Variants in PLIN2 observed in about 807,000 individuals in gnomAD.
PLIN2 encodes the protein perilipin 2.
Under a neutral mutation model 30.6 loss-of-function variants are expected in PLIN2, and 33 were observed. The ratio of observed to expected loss-of-function variants is 1.08; its 90% CI spans 0.82 to 1.44. The LOEUF (loss-of-function observed/expected upper bound fraction) is 1.44. PLIN2 is among the 40% of genes most tolerant of loss of function. The probability of loss-of-function intolerance (pLI) is 0.00; values close to 1 mark genes in which losing one functional copy is unlikely to be tolerated. For synonymous variants in PLIN2, 205 were observed against 201.1 expected (o/e 1.02, Z -0.16); for missense variants, 610 against 531.8 (o/e 1.15, Z -1.45).
downstream of PLIN2, among the ~76,000 whole-genome samples, chr9:19,111,311 G>A (rs1818156548): frequency 2.0e-5 from 3 of 152,154 alleles, no homozygotes. Context: ...GCCTCCCAAA[G>A]TGCTAGGATT....
rs1236819176 is a variant in PLIN2 at position 19,119,736 on chromosome 9, CA to C, written c.690del (p.Ala231ProfsTer29). Reference protein sequence around the residue: ...LGSLSTKLHSRAYQQALSRVK... With the variant: ...LGSLSTKLHSXAYQQALSRVK... ...ACCCTGCTGAGAGCCTGCTGGTAGG[CA>C]CGGGAGTGAAGCTTGGTAGACAGGG... is the stretch of plus-strand genomic sequence containing the variant. On this transcript the variant is annotated frameshift_variant, in exon 6 of 8. Coordinates refer to ENST00000276914, the MANE Select transcript of PLIN2 (RefSeq NM_001122.4). LOFTEE classifies it high-confidence loss of function. The C allele has an allele frequency of 6.2e-7, 1 of 1,612,554 alleles. No homozygotes were observed. The highest frequency in any genetic ancestry group is 1.1e-5 in the South Asian group (1 of 90,992).
At chr9:19,123,728 T>C (rs1480736899) in intron 3 of PLIN2, 81 bp from the exon 4 acceptor site, 16 of 1,263,638 alleles carry the variant, frequency 1.3e-5, no homozygotes, top group African/African-American at 3.0e-5. Context: ...TTATAAAAAA[T>C]GGCAATAATG....
At chr9:19,116,988 G>A (rs1818238467) in intron 7 of PLIN2, among the ~76,000 whole-genome samples, 1 of 152,098 alleles carries the variant, frequency 6.6e-6, no homozygotes, top group African/African-American at 2.4e-5. Context: ...GTAGTGTAAT[G>A]TATATATTCC....
At chr9:19,111,442 A>T (rs929877519), downstream of PLIN2, among the ~76,000 whole-genome samples, 1 of 152,084 alleles carries the variant, frequency 6.6e-6, no homozygotes, top group Admixed American at 6.6e-5. Context: ...ACCAATTAAG[A>T]GTATAATTTT....
Position 19,116,282 on chromosome 9 carries a change from T to C in PLIN2, c.1280A>G (p.Gln427Arg). The change falls in exon 8 of 8, where the codon CAG (glutamine) becomes CGG (arginine). Residue 427 changes from glutamine (Q) to arginine (R), a missense_variant. Coordinates refer to ENST00000276914, the MANE Select transcript of PLIN2 (RefSeq NM_001122.4). ...DQGAEMDKSSQETQRSEHKTH is the reference protein window; with the variant it reads ...DQGAEMDKSSRETQRSEHKTH Reference sequence around the variant, plus strand: ...TTTATGCTCAGATCGCTGGGTCTCCTGGCTGCTCTTGTCCATCTCTGCACC... The same window carrying C: ...TTTATGCTCAGATCGCTGGGTCTCCCGGCTGCTCTTGTCCATCTCTGCACC... The C allele has an allele frequency of 6.2e-7, 1 of 1,607,670 alleles. No individual in the cohort carries two copies.
At chr9:19,113,883 T>C (rs906838258), downstream of PLIN2, among the ~76,000 whole-genome samples, 1 of 151,392 alleles carries the variant, frequency 6.6e-6, no homozygotes, top group African/African-American at 2.4e-5. Context: ...CAAACGATTC[T>C]CCTGCCTCAG....
At chr9:19,116,728 G>A in intron 7 of PLIN2, 79 bp from the exon 8 acceptor site, 1 of 1,192,718 alleles carries the variant, frequency 8.4e-7, no homozygotes, top group Non-Finnish European at 1.2e-6. Flanking sequence ...GGCTGGTTAT[G>A]TGTCCACCAC....
chr9:19,123,292 A>G, intron 4 of PLIN2: 1 of 1,423,972 alleles, frequency 7.0e-7, no homozygotes. Context: ...TACTTGAGAC[A>G]GCAATTTCAT....
intron 4 of PLIN2, among the ~76,000 whole-genome samples, chr9:19,122,628 G>A (rs1049475282): frequency 1.1e-4 from 17 of 148,910 alleles, no homozygotes; most frequent in African/African-American, 4.2e-4. Context: ...ATATAGCCTA[G>A]GTATATAGCA....
At chr9:19,124,736 CA>C (rs981147892) in intron 3 of PLIN2, among the ~76,000 whole-genome samples, 2 of 151,918 alleles carry the variant, frequency 1.3e-5, no homozygotes, top group Non-Finnish European at 1.5e-5. Flanking sequence ...GGGTATATAC[CA>C]AAAAAACCTG....
At chr9:19,111,550 C>G (rs571061785), downstream of PLIN2, among the ~76,000 whole-genome samples, 2 of 152,212 alleles carry the variant, frequency 1.3e-5, no homozygotes, top group African/African-American at 4.8e-5. Context: ...AAAAATACGA[C>G]CTGGGACTAG....
At chr9:19,113,671 T>C (rs1221062441), downstream of PLIN2, among the ~76,000 whole-genome samples, 1 of 151,558 alleles carries the variant, frequency 6.6e-6, no homozygotes, top group African/African-American at 2.4e-5. Context: ...CCTGCCTTGG[T>C]TCAGGGGATT....
chr9:19,126,121 C>T lies in PLIN2; in HGVS notation c.219G>A (p.Glu73=), dbSNP rs928242392. The part of the protein sequence containing the change: ...TSALPIIQKL[E]PQIAVANTYA... ...TGAAAAATCAGAACTCACTTTGCGG[C>T]TCTAGCTTCTGGATGATGGGCAGAG... The change falls in exon 3 of 8, where the codon GAG becomes GAA. Residue 73 remains glutamate (E), a synonymous_variant. Transcript: ENST00000276914. 6.2e-7 allele frequency: 1 copy of T among 1,613,554 alleles called. No homozygotes were observed. Among genetic ancestry groups the T allele is most frequent in the African/African-American group, 1.3e-5 (1 of 74,908 alleles).
intron 5 of PLIN2, among the ~76,000 whole-genome samples, chr9:19,120,085 G>A (rs1435536026): frequency 6.6e-6 from 1 of 151,430 alleles, no homozygotes; most frequent in South Asian, 2.1e-4. Flanking sequence ...TTGGAAACAG[G>A]TCTTGCTTTG....
intron 5 of PLIN2, 142 bp from the exon 6 acceptor site, chr9:19,119,973 C>G (rs1211765025): frequency 1.7e-6 from 1 of 576,318 alleles, no homozygotes; most frequent in Non-Finnish European, 3.1e-6. Flanking sequence ...AGACTGCTCA[C>G]GTCTGCTGCT....
At chr9:19,120,101 C>G (rs1165185693) in intron 5 of PLIN2, among the ~76,000 whole-genome samples, 1 of 151,950 alleles carries the variant, frequency 6.6e-6, no homozygotes, top group Non-Finnish European at 1.5e-5. Flanking sequence ...CTTTGTTGCC[C>G]AGGCTGGAGT....
In PLIN2 at chr9:19,119,534, T is replaced by G; in HGVS notation, c.777+116A>C. 6.3e-6 allele frequency: 4 copies of G among 637,456 alleles called. 1 individual carries two copies. In the South Asian group the frequency reaches 1.0e-4, roughly 16 times the overall value. The allele number at this position is 637,456 out of a possible 1,614,324, so 39.5% of individuals were successfully genotyped here. A position where few individuals can be genotyped will look rare whatever the true frequency, so the allele number is the denominator to read the frequency against. ...TCTCCATATTCTTTGTCCAGTTTTCTATTGGGTTGTTTGTCAACTAAGAAT... is the reference window on the plus strand; with the variant it reads ...TCTCCATATTCTTTGTCCAGTTTTCGATTGGGTTGTTTGTCAACTAAGAAT... On this transcript the variant is annotated intron_variant, in intron 6 of 7. Transcript: ENST00000276914.
chr9:19,124,017 C>CAA (rs60330286), intron 3 of PLIN2, among the ~76,000 whole-genome samples: 76,493 of 121,388 alleles, frequency 0.63, 23,585 homozygotes, highest in Non-Finnish European at 0.7. Flanking sequence ...GACTCCATCT[C>CAA]AAAAAAAAAA....
chr9:19,118,457 T>C lies in PLIN2; in HGVS notation c.778-2A>G. ...CACATTCTTCCTGGCAAATTCAATC[T>C]AGACACATTGAAACAAGACAAAGGA... On this transcript the variant is annotated splice_acceptor_variant, in intron 6 of 7. Transcript: ENST00000276914. LOFTEE classifies it high-confidence loss of function. 1 of 1,612,304 alleles carries C rather than the reference T, an allele frequency of 6.2e-7. No homozygotes were observed. The highest frequency in any genetic ancestry group is 8.5e-7 in the Non-Finnish European group (1 of 1,179,540).
Sources: gnomAD v4.1 joint callset for allele counts (sites outside exome capture counted in the v4.1 genomes callset) on GRCh38, gnomAD v4.1.1 for gene constraint, MANE v1.5 for transcripts, NCBI Gene and HGNC (gene_info 2026-07-23, HGNC 2026-07-21) for gene names.